The following SNRNP40 variants were observed in gnomAD, a reference collection of about 807,000 sequenced individuals.
SNRNP40 encodes small nuclear ribonucleoprotein U5 subunit 40.
SNRNP40 carries 21 observed loss-of-function variants against 45.8 expected under a neutral mutation model. The ratio of observed to expected loss-of-function variants is 0.46; its 90% CI spans 0.32 to 0.66. The LOEUF (loss-of-function observed/expected upper bound fraction) is 0.66, where lower values mean the gene tolerates loss of function less well. Among genes scored for constraint, SNRNP40 ranks in the 30% least tolerant of loss-of-function variants. The probability of loss-of-function intolerance (pLI) is 0.03; values close to 1 mark genes in which losing one functional copy is unlikely to be tolerated. For synonymous variants in SNRNP40, 142 were observed against 163.8 expected, an observed-to-expected ratio of 0.87 and a Z score of 1.01; for missense variants, 344 against 439.1, an observed-to-expected ratio of 0.78 and a Z score of 1.94.
At chr1:31,269,769 G>A (rs28505531) in intron 6 of SNRNP40, 2 of 159,398 alleles carry the variant, frequency 1.3e-5, no homozygotes, top group African/African-American at 4.8e-5. Flanking sequence ...CCAAAAATCA[G>A]AAAAAGTAAA....
At position 31,285,550 on chromosome 1, in the gene SNRNP40, C is replaced by T. The variant is rs532009420; in HGVS notation, c.531+3704G>A. ...CACTGCACCTGGCCCCTTATCACTCCTAAATAGTGTCTGTCCTACAAAGAT... is the reference window on the plus strand; with the variant it reads ...CACTGCACCTGGCCCCTTATCACTCTTAAATAGTGTCTGTCCTACAAAGAT... On this transcript the variant is annotated intron_variant, in intron 4 of 9. Coordinates refer to ENST00000263694, the MANE Select transcript of SNRNP40 (RefSeq NM_004814.3). Among the ~76,000 whole-genome samples, 21 of 152,204 alleles carry T rather than the reference C, an allele frequency of 1.4e-4. No homozygotes were observed. In the East Asian group the frequency reaches 2.9e-3, roughly 21 times the overall value.
At chr1:31,263,685 G>T in intron 8 of SNRNP40, 1 of 413,582 alleles carries the variant, frequency 2.4e-6, no homozygotes, top group Non-Finnish European at 4.6e-6. Flanking sequence ...ATATGATATG[G>T]CTTAGGAAGA....
intron 8 of SNRNP40, among the ~76,000 whole-genome samples, chr1:31,267,428 C>T (rs371371456): frequency 6.6e-5 from 10 of 152,238 alleles, no homozygotes; most frequent in Non-Finnish European, 1.5e-4. Flanking sequence ...ACCCTTCATA[C>T]TGCACAGAGC....
At chr1:31,264,960 C>T (rs566621691) in intron 8 of SNRNP40, among the ~76,000 whole-genome samples, 1 of 152,128 alleles carries the variant, frequency 6.6e-6, no homozygotes, top group East Asian at 1.9e-4. Flanking sequence ...GGGTTCCTTG[C>T]CCTCTCCTTA....
At chr1:31,272,649 C>T (rs771284568) in intron 5 of SNRNP40, among the ~76,000 whole-genome samples, 12 of 152,076 alleles carry the variant, frequency 7.9e-5, no homozygotes, top group South Asian at 2.1e-4. Context: ...TAGCATATGC[C>T]GGGCACAAGA....
At chr1:31,263,019 GT>G (rs917605957) in intron 8 of SNRNP40, among the ~76,000 whole-genome samples, 1 of 150,578 alleles carries the variant, frequency 6.6e-6, no homozygotes, top group African/African-American at 2.4e-5. Flanking sequence ...AAAAAATTAT[GT>G]TTTTTTTCAT....
intron 4 of SNRNP40, among the ~76,000 whole-genome samples, chr1:31,284,904 C>A (rs1233700009): frequency 2.0e-5 from 3 of 152,154 alleles, no homozygotes; most frequent in Non-Finnish European, 4.4e-5. Flanking sequence ...ATCTCCTACT[C>A]CCCCAACTCC....
At chr1:31,275,156 A>G (rs2148384297) in intron 5 of SNRNP40, among the ~76,000 whole-genome samples, 1 of 152,266 alleles carries the variant, frequency 6.6e-6, no homozygotes, top group East Asian at 1.9e-4. Context: ...CTGAGTGATG[A>G]CTATTTGATC....
intron 4 of SNRNP40, among the ~76,000 whole-genome samples, chr1:31,285,077 AGTTT>A (rs1274882702): frequency 6.6e-6 from 1 of 152,164 alleles, no homozygotes; most frequent in Non-Finnish European, 1.5e-5. Context: ...TGGTAGTCAA[AGTTT>A]GTTTAAAATA....
At chr1:31,292,582 G>C (rs1031186251) in intron 2 of SNRNP40, among the ~76,000 whole-genome samples, 2 of 152,166 alleles carry the variant, frequency 1.3e-5, no homozygotes, top group African/African-American at 4.8e-5. Context: ...TAACAGAAAA[G>C]AGCCAAATAA....
intron 5 of SNRNP40, among the ~76,000 whole-genome samples, chr1:31,280,982 T>TCTTTC (rs1220368836): frequency 6.6e-6 from 1 of 152,168 alleles, no homozygotes; most frequent in African/African-American, 2.4e-5. Flanking sequence ...TAGAAAACTC[T>TCTTTC]CTTTCCATAG....
intron 5 of SNRNP40, 54 bp downstream of exon 5, chr1:31,281,320 C>T (rs990987646): frequency 3.0e-5 from 44 of 1,470,508 alleles, no homozygotes; most frequent in Non-Finnish European, 3.8e-5. Context: ...TGAAAAAATT[C>T]GTTTCTAAGT....
At chr1:31,294,447 C>CCT (rs1646127649) in intron 1 of SNRNP40, among the ~76,000 whole-genome samples, 1 of 119,962 alleles carries the variant, frequency 8.3e-6, no homozygotes, top group African/African-American at 2.6e-5. Flanking sequence ...CCAGCATTTT[C>CCT]ATATTTATTT....
At position 31,271,451 on chromosome 1, in the gene SNRNP40, C is replaced by A. The variant is rs889644223; in HGVS notation, c.703G>T (p.Ala235Ser). 2 of 1,613,458 alleles carry A rather than the reference C, an allele frequency of 1.2e-6. No individual in the cohort carries two copies. The highest frequency in any genetic ancestry group is 1.7e-6 in the Non-Finnish European group (2 of 1,179,556). Residue 235 changes from alanine (A) to serine (S), a missense_variant, in exon 6 of 10, where the codon GCA (alanine) becomes TCA (serine). Coordinates refer to ENST00000263694, the MANE Select transcript of SNRNP40 (RefSeq NM_004814.3). The part of the protein sequence containing the change: ...NKLTYTMRGH[A>S]DSVTGLSLSS... ...AAACTCAGGCCAGTCACTGAATCTG[C>A]ATGGCCTCTCATGGTGTAGGTTAGC...
chr1:31,293,729 G>C (rs921007495), intron 1 of SNRNP40, among the ~76,000 whole-genome samples: 1 of 152,094 alleles, frequency 6.6e-6, no homozygotes, highest in African/African-American at 2.4e-5. Flanking sequence ...CTACAGGCAT[G>C]AACTAGCATG....
At chr1:31,264,773 G>C (rs1299093542) in intron 8 of SNRNP40, among the ~76,000 whole-genome samples, 1 of 152,114 alleles carries the variant, frequency 6.6e-6, no homozygotes, top group African/African-American at 2.4e-5. Flanking sequence ...ATGAGGAGGT[G>C]ATCTGTAAGT....
intron 4 of SNRNP40, among the ~76,000 whole-genome samples, chr1:31,285,241 C>A (rs1212206658): frequency 3.0e-5 from 3 of 99,674 alleles, no homozygotes; most frequent in Non-Finnish European, 7.2e-5. Context: ...TGCCTTATCA[C>A]CTTTTTTTTT....
At position 31,296,708 on chromosome 1, in the gene SNRNP40, A is replaced by C. The variant is rs1242357222; in HGVS notation, c.44T>G (p.Val15Gly). The C allele has an allele frequency of 6.2e-7, 1 of 1,613,498 alleles. No individual in the cohort carries two copies. The highest frequency in any genetic ancestry group is 1.1e-5 in the South Asian group (1 of 91,042). Reference protein sequence around the residue: ...QKRKGPELPLVPVKRQRHELL... With the variant: ...QKRKGPELPLGPVKRQRHELL... ...CTCATGCCGCTGCCGCTTGACTGGA[A>C]CCAGCGGCAACTCTGGGCCCTTACG... Residue 15 changes from valine (V) to glycine (G), a missense_variant, in exon 1 of 10, where the codon GTT (valine) becomes GGT (glycine). Coordinates refer to ENST00000263694, the MANE Select transcript of SNRNP40 (RefSeq NM_004814.3).
chr1:31,267,821 C>T (rs3753374), intron 8 of SNRNP40, 50 bp downstream of exon 8: 822,958 of 1,444,908 alleles, frequency 0.57, 249,787 homozygotes, highest in Non-Finnish European at 0.64. Context: ...CACGAGCCAC[C>T]GCATCCGGCC....
Sources: gnomAD v4.1 joint callset for allele counts (sites outside exome capture counted in the v4.1 genomes callset) on GRCh38, gnomAD v4.1.1 for gene constraint, MANE v1.5 for transcripts, NCBI Gene and HGNC (gene_info 2026-07-23, HGNC 2026-07-21) for gene names.